Variants in MYRIP observed in about 807,000 individuals in gnomAD.
MYRIP encodes the protein myosin VIIA and Rab interacting protein.
In MYRIP, 49 loss-of-function variants were observed where a neutral mutation model predicts 98.0. That is an observed-to-expected ratio of 0.50 (90% CI 0.40 to 0.63). MYRIP has a LOEUF of 0.63. Among genes scored for constraint, MYRIP ranks in the 30% least tolerant of loss-of-function variants. The pLI, the probability that MYRIP is intolerant of heterozygous loss-of-function variation, is 0.00. For missense variants in MYRIP, 1,004 were observed against 1,058.2 expected (o/e 0.95, Z 0.71); for synonymous variants, 404 against 409.5 (o/e 0.99, Z 0.16).
At chr3:40,187,098 T>A (rs954193338) in intron 9 of MYRIP, among the ~76,000 whole-genome samples, 1 of 152,186 alleles carries the variant, frequency 6.6e-6, no homozygotes, top group Non-Finnish European at 1.5e-5. Flanking sequence ...ACATATGGAG[T>A]GCATGGGTGT....
chr3:40,162,121 C>T (rs76292180), intron 4 of MYRIP, among the ~76,000 whole-genome samples: 1,908 of 152,254 alleles, frequency 0.013, 35 homozygotes, highest in African/African-American at 0.041. Context: ...TGCTTAGGTC[C>T]GCCTTCCCTG....
intron 2 of MYRIP, among the ~76,000 whole-genome samples, chr3:39,921,081 C>T (rs573142112): frequency 6.6e-6 from 1 of 152,278 alleles, no homozygotes; most frequent in African/African-American, 2.4e-5. Context: ...TGTGGGAAGC[C>T]TCTCACTAAA....
intron 1 of MYRIP, among the ~76,000 whole-genome samples, chr3:39,887,209 T>C (rs149949187): frequency 6.6e-6 from 1 of 152,118 alleles, no homozygotes; most frequent in East Asian, 1.9e-4. Context: ...GGGAAATTTG[T>C]AGCACTAAAT....
At chr3:40,165,908 G>A (rs926959460) in intron 5 of MYRIP, among the ~76,000 whole-genome samples, 2 of 152,112 alleles carry the variant, frequency 1.3e-5, no homozygotes, top group African/African-American at 4.8e-5. Context: ...CAGAGGAATT[G>A]GAATCCAGCT....
intron 1 of MYRIP, among the ~76,000 whole-genome samples, chr3:39,857,145 C>T (rs1434991009): frequency 6.6e-6 from 1 of 151,636 alleles, no homozygotes; most frequent in Non-Finnish European, 1.5e-5. Flanking sequence ...CTTGCGAGGT[C>T]AAGGAGGCAG....
At chr3:40,001,238 A>T (rs184659885) in intron 2 of MYRIP, among the ~76,000 whole-genome samples, 1 of 152,246 alleles carries the variant, frequency 6.6e-6, no homozygotes, top group Non-Finnish European at 1.5e-5. Context: ...TGATATATAC[A>T]TTTGGCAAAA....
At chr3:39,960,994 C>A (rs772896403) in intron 2 of MYRIP, among the ~76,000 whole-genome samples, 1 of 152,118 alleles carries the variant, frequency 6.6e-6, no homozygotes, top group Non-Finnish European at 1.5e-5. Flanking sequence ...AATGGAATGG[C>A]ACTTCGCAAT....
intron 1 of MYRIP, among the ~76,000 whole-genome samples, chr3:39,839,102 C>T (rs1340335245): frequency 6.6e-6 from 1 of 151,870 alleles, no homozygotes; most frequent in Non-Finnish European, 1.5e-5. Flanking sequence ...ATTAGTCTGG[C>T]TAGTGGTCTA....
chr3:40,055,593 A>C (rs950743269), intron 3 of MYRIP, among the ~76,000 whole-genome samples: 1 of 152,130 alleles, frequency 6.6e-6, no homozygotes, highest in Non-Finnish European at 1.5e-5. Flanking sequence ...GAATATGCCC[A>C]CCTCTCTGGT....
intron 10 of MYRIP, among the ~76,000 whole-genome samples, chr3:40,201,267 G>T (rs372507480): frequency 6.6e-6 from 1 of 152,140 alleles, no homozygotes; most frequent in Non-Finnish European, 1.5e-5. Flanking sequence ...GGGAATAAGT[G>T]GTTGCCCTTT....
At chr3:39,828,761 A>G (rs1295494185) in intron 1 of MYRIP, among the ~76,000 whole-genome samples, 1 of 152,220 alleles carries the variant, frequency 6.6e-6, no homozygotes, top group Admixed American at 6.5e-5. Context: ...TATTTCACTT[A>G]GAATAATAGT....
intron 2 of MYRIP, among the ~76,000 whole-genome samples, chr3:39,935,028 C>T (rs543589795): frequency 1.3e-5 from 2 of 152,322 alleles, no homozygotes; most frequent in East Asian, 3.9e-4. Flanking sequence ...ACTGGAGTTG[C>T]TTTCTCAGGA....
In MYRIP at chr3:40,026,818, C is replaced by T. The variant is rs1486663485; in HGVS notation, c.111-17232C>T. Among the ~76,000 whole-genome samples the T allele has an allele frequency of 3.3e-5, 5 of 152,300 alleles. No individual in the cohort carries two copies. In the East Asian group the frequency reaches 7.7e-4, roughly 24 times the overall value. Reference sequence around the variant, plus strand: ...TCCTCACAGCAAATAGCCATCCACTCTCCCCTTCTTGAAACATCCTCCTTG... The same window carrying T: ...TCCTCACAGCAAATAGCCATCCACTTTCCCCTTCTTGAAACATCCTCCTTG... On this transcript the variant is annotated intron_variant, in intron 2 of 16. Coordinates refer to ENST00000302541, the MANE Select transcript of MYRIP (RefSeq NM_015460.4).
At chr3:39,975,044 G>A (rs1945709927) in intron 2 of MYRIP, among the ~76,000 whole-genome samples, 1 of 152,134 alleles carries the variant, frequency 6.6e-6, no homozygotes, top group Non-Finnish European at 1.5e-5. Context: ...GTTCTGGCCA[G>A]GGCAATCAGG....
intron 2 of MYRIP, among the ~76,000 whole-genome samples, chr3:39,909,511 G>A (rs1033756017): frequency 2.6e-5 from 4 of 152,134 alleles, no homozygotes; most frequent in Non-Finnish European, 5.9e-5. Context: ...TAATTAGGAT[G>A]CTATAGACAA....
chr3:40,241,383 T>C (rs1436535755), intron 12 of MYRIP, among the ~76,000 whole-genome samples: 11 of 152,214 alleles, frequency 7.2e-5, no homozygotes. Context: ...GATGTAGCAC[T>C]AGAACTTGTG....
chr3:39,885,945 T>A (rs1416381127), intron 1 of MYRIP, among the ~76,000 whole-genome samples: 3 of 151,972 alleles, frequency 2.0e-5, no homozygotes, highest in Non-Finnish European at 4.4e-5. Context: ...GGTTTGAATG[T>A]CCTCCCGTAG....
chr3:40,175,246 G>A (rs535836345), intron 8 of MYRIP, among the ~76,000 whole-genome samples: 195 of 152,292 alleles, frequency 1.3e-3, no homozygotes, highest in Admixed American at 3.1e-3. Context: ...GTTTAGAAAG[G>A]CCTATACTAA....
At chr3:39,962,233 A>G (rs1239901622) in intron 2 of MYRIP, among the ~76,000 whole-genome samples, 6 of 152,138 alleles carry the variant, frequency 3.9e-5, no homozygotes, top group Non-Finnish European at 8.8e-5. Flanking sequence ...TTATGCACAT[A>G]AAAATTTAGG....
Sources: gnomAD v4.1 joint callset for allele counts (sites outside exome capture counted in the v4.1 genomes callset) on GRCh38, gnomAD v4.1.1 for gene constraint, MANE v1.5 for transcripts, NCBI Gene and HGNC (gene_info 2026-07-23, HGNC 2026-07-21) for gene names.